PPARGC1A: variants seen among roughly 807,000 people sequenced by gnomAD.
PPARGC1A encodes the protein peroxisome proliferator-activated receptor gamma coactivator 1-alpha.
Under a neutral mutation model 88.7 loss-of-function variants are expected in PPARGC1A, and 25 were observed. The observed-to-expected ratio is 0.28, with a 90% CI of 0.21 to 0.39. PPARGC1A has a LOEUF of 0.39. PPARGC1A is among the 10% of genes least tolerant of loss of function. The pLI is 1.00. For missense variants in PPARGC1A, 880 were observed against 968.7 expected, an observed-to-expected ratio of 0.91 and a Z score of 1.22; for synonymous variants, 363 against 355.6, an observed-to-expected ratio of 1.02 and a Z score of -0.24.
the PPARGC1A span, among the ~76,000 whole-genome samples, chr4:24,419,301 T>C: frequency 6.6e-6 from 1 of 151,264 alleles, no homozygotes; most frequent in African/African-American, 2.4e-5. Context: ...AAGTGTGATA[T>C]TGCCCTTCAC....
chr4:24,265,580 C>T, the PPARGC1A span, among the ~76,000 whole-genome samples: 1 of 151,702 alleles, frequency 6.6e-6, no homozygotes, highest in African/African-American at 2.4e-5. Flanking sequence ...AAATCGATGC[C>T]GGGGGGCAGA....
the PPARGC1A span, among the ~76,000 whole-genome samples, chr4:24,403,983 G>A: frequency 6.6e-6 from 1 of 152,130 alleles, no homozygotes; most frequent in Non-Finnish European, 1.5e-5. Flanking sequence ...GGTGACTGAG[G>A]CCAGGTGAGG....
chr4:24,146,268 TA>T, the PPARGC1A span, among the ~76,000 whole-genome samples: 2 of 152,252 alleles, frequency 1.3e-5, no homozygotes, highest in Non-Finnish European at 2.9e-5. Flanking sequence ...AACCAGTGTT[TA>T]ATGCAAAACC....
At chr4:23,944,491 C>T in the PPARGC1A span, among the ~76,000 whole-genome samples, 1 of 152,182 alleles carries the variant, frequency 6.6e-6, no homozygotes, top group Non-Finnish European at 1.5e-5. Flanking sequence ...AGGTACTTAA[C>T]ATCTGTTAAA....
the PPARGC1A span, among the ~76,000 whole-genome samples, chr4:23,937,247 C>T: frequency 6.6e-6 from 1 of 152,008 alleles, no homozygotes; most frequent in Non-Finnish European, 1.5e-5. Context: ...CAAGTGAAAT[C>T]TGCCTTTCGT....
chr4:24,373,566 T>C, the PPARGC1A span, among the ~76,000 whole-genome samples: 2 of 152,204 alleles, frequency 1.3e-5, no homozygotes, highest in Admixed American at 6.5e-5. Context: ...TGAATAAAAA[T>C]GTCTCTTACT....
At chr4:24,103,742 A>C in the PPARGC1A span, among the ~76,000 whole-genome samples, 1 of 152,196 alleles carries the variant, frequency 6.6e-6, no homozygotes, top group Admixed American at 6.5e-5. Flanking sequence ...ACACAGGCTG[A>C]CTGCTGTCCC....
the PPARGC1A span, among the ~76,000 whole-genome samples, chr4:24,217,731 C>T: frequency 1.2e-4 from 19 of 152,032 alleles, no homozygotes; most frequent in Middle Eastern, 3.4e-3. Flanking sequence ...TGAGCCCAGG[C>T]GGCAGAGGTT....
At chr4:24,009,150 A>AAAAAAAAGAG in the PPARGC1A span, among the ~76,000 whole-genome samples, 4,045 of 79,664 alleles carry the variant, frequency 0.051, 176 homozygotes, top group South Asian at 0.096. Flanking sequence ...AAAAAAAAAA[A>AAAAAAAAGAG]AGAGAGAGAA....
rs1475174188 is a variant in PPARGC1A at position 23,853,821 on chromosome 4, G to A, written c.235-22070C>T. 3.3e-5 allele frequency among the ~76,000 whole-genome samples: 5 copies of A among 152,120 alleles called. No homozygotes were observed. The East Asian group carries it at 7.7e-4, about 23-fold the overall frequency. On this transcript the variant is annotated intron_variant, in intron 2 of 12. Coordinates refer to ENST00000264867, the MANE Select transcript of PPARGC1A (RefSeq NM_013261.5). ...AGTAAAGCACAAGACATCTAGAGAA[G>A]ACAAACAATAAAGTAAACAAGGGTA...
the PPARGC1A span, among the ~76,000 whole-genome samples, chr4:24,312,564 TTTGTC>T: frequency 6.6e-6 from 1 of 151,524 alleles, no homozygotes; most frequent in South Asian, 2.1e-4. Context: ...TGCTTTTCTC[TTTGTC>T]TTAATTCTAT....
At chr4:23,985,928 C>T in the PPARGC1A span, among the ~76,000 whole-genome samples, 1 of 151,868 alleles carries the variant, frequency 6.6e-6, no homozygotes, top group African/African-American at 2.4e-5. Flanking sequence ...AAAACCTGTC[C>T]CTCTAGCCTT....
At chr4:24,172,696 A>G in the PPARGC1A span, among the ~76,000 whole-genome samples, 1 of 152,192 alleles carries the variant, frequency 6.6e-6, no homozygotes. Context: ...TTTCGCCTTC[A>G]CTGTCAGTCT....
At chr4:23,920,363 T>TA in the PPARGC1A span, among the ~76,000 whole-genome samples, 3 of 152,076 alleles carry the variant, frequency 2.0e-5, no homozygotes, top group East Asian at 3.8e-4. Flanking sequence ...ATCTAATTTT[T>TA]AAAAAAATGA....
the PPARGC1A span, among the ~76,000 whole-genome samples, chr4:24,248,909 C>A: frequency 2.0e-5 from 3 of 152,132 alleles, no homozygotes; most frequent in Non-Finnish European, 4.4e-5. Context: ...CACCTGGAGT[C>A]TTTTATTGTT....
At chr4:24,459,750 C>T in the PPARGC1A span, among the ~76,000 whole-genome samples, 10 of 152,260 alleles carry the variant, frequency 6.6e-5, no homozygotes, top group East Asian at 1.5e-3. Context: ...AAGATTGCGC[C>T]GCTGAAATCC....
chr4:23,797,712 C>A (rs1186779970), intron 12 of PPARGC1A, among the ~76,000 whole-genome samples: 1 of 129,678 alleles, frequency 7.7e-6, no homozygotes, highest in Admixed American at 7.7e-5. Flanking sequence ...AGAAAACAAC[C>A]AAAAATATTT....
the PPARGC1A span, among the ~76,000 whole-genome samples, chr4:24,431,124 CAAAAAAA>C: frequency 1.4e-5 from 1 of 72,556 alleles, no homozygotes; most frequent in Non-Finnish European, 2.8e-5. Context: ...GACTCCATCT[CAAAAAAA>C]AAAAAAAAAA....
chr4:23,850,647 T>C (rs1248864127), intron 2 of PPARGC1A, among the ~76,000 whole-genome samples: 1 of 152,192 alleles, frequency 6.6e-6, no homozygotes, highest in Non-Finnish European at 1.5e-5. Flanking sequence ...AGAGTGACAA[T>C]AGCGGTCATT....
Sources: gnomAD v4.1 joint callset for allele counts (sites outside exome capture counted in the v4.1 genomes callset) on GRCh38, gnomAD v4.1.1 for gene constraint, MANE v1.5 for transcripts, NCBI Gene and HGNC (gene_info 2026-07-23, HGNC 2026-07-21) for gene names.